SLC52A2: variants seen among roughly 807,000 people sequenced by gnomAD.
SLC52A2 encodes the protein solute carrier family 52 member 2.
A neutral mutation model predicts 24.8 loss-of-function variants in SLC52A2; 16 were observed. The observed-to-expected ratio is 0.64, with a 90% CI of 0.44 to 0.98. SLC52A2 has a LOEUF of 0.98. Among genes scored for constraint, SLC52A2 ranks in the 50% least tolerant of loss-of-function variants. The pLI, the probability that SLC52A2 is intolerant of heterozygous loss-of-function variation, is 0.00. For synonymous variants in SLC52A2, 335 were observed against 276.3 expected, an observed-to-expected ratio of 1.21 and a Z score of -2.11; for missense variants, 612 against 575.9, an observed-to-expected ratio of 1.06 and a Z score of -0.64.
rs11546261 is a variant in SLC52A2 at position 144,361,071 on chromosome 8, A to G, written c.*56A>G. On this transcript the variant is annotated 3_prime_UTR_variant, in exon 5 of 5. Transcript: ENST00000643944. ...CACCTGTCTTTCCCTCAATGCTGCC[A>G]CCATGCCTGAGTGCCTGCAGCCCAG... 0.04 allele frequency: 62,646 copies of G among 1,559,112 alleles called. 1,493 individuals are homozygous for G. The highest frequency in any genetic ancestry group is 0.044 in the Non-Finnish European group (50,359 of 1,138,308).
At position 144,359,810 on chromosome 8, in the gene SLC52A2, A is replaced by G. The variant is rs376031054; in HGVS notation, c.318A>G (p.Ala106=). 2 of 1,613,560 alleles carry G rather than the reference A, an allele frequency of 1.2e-6. No homozygotes were observed. Among genetic ancestry groups the G allele is most frequent in the Admixed American group, 1.7e-5 (1 of 60,008 alleles). The change falls in exon 3 of 5, where the codon GCA becomes GCG. Residue 106 remains alanine (A), a synonymous_variant. Transcript: ENST00000643944. ...ASLWHHVAPV[A]GQLHSVAFLA... The stretch of plus-strand genomic sequence containing the variant: ...TGTGGCACCATGTGGCCCCAGTGGC[A>G]GGACAGTTGCATTCTGTGGCCTTCT...
chr8:144,358,582 T>C, upstream of SLC52A2: 6 of 1,136,158 alleles, frequency 5.3e-6, no homozygotes, highest in African/African-American at 1.6e-5. Context: ...TCGTGGGCCA[T>C]GCCGGGGGCG....
Position 144,360,908 on chromosome 8 carries a change from G to A in SLC52A2, c.1231G>A (p.Ala411Thr), listed in dbSNP as rs782417765. ...GCCGGCATTGCTGGCAGCCGGCGTG[G>A]CCATCCAGGTGGGCTCTCTGCTCGG... ...GRPALLAAGV[A>T]IQVGSLLGAV... Residue 411 changes from alanine (A) to threonine (T), a missense_variant, in exon 5 of 5, where the codon GCC (alanine) becomes ACC (threonine). Ala to Thr is a moderately conservative substitution (Grantham distance 58). Coordinates refer to ENST00000643944, the MANE Select transcript of SLC52A2 (RefSeq NM_001363118.2). The A allele has an allele frequency of 3.1e-6, 5 of 1,613,268 alleles. No homozygotes were observed. In the Admixed American group the frequency reaches 6.7e-5, roughly 22 times the overall value.
In SLC52A2 at chr8:144,359,184, C is replaced by G. The variant is rs573300637; in HGVS notation, c.-110C>G. ...TATCTGTTTCTCTGTTTCTTTCAAG[C>G]TAGAAGAAGTCTTCACTTCCCAGGA... On this transcript the variant is annotated splice_region_variant and 5_prime_UTR_variant, in exon 2 of 5. Transcript: ENST00000643944. 1.4e-6 allele frequency: 2 copies of G among 1,470,818 alleles called. No homozygotes were observed. The highest frequency in any genetic ancestry group is 1.8e-6 in the Non-Finnish European group (2 of 1,098,736). 91.1% of individuals were successfully genotyped at this position (1,470,818 alleles called of 1,614,324 possible).
In SLC52A2 at chr8:144,359,955, G is replaced by T. The variant is rs376026812; in HGVS notation, c.463G>T (p.Ala155Ser). The change falls in exon 3 of 5, where the codon GCC (alanine) becomes TCC (serine). Residue 155 changes from alanine to serine, a missense_variant. Coordinates refer to ENST00000643944, the MANE Select transcript of SLC52A2 (RefSeq NM_001363118.2). ...ATTCTTCCTGGGTCAAGGCCTGAGT[G>T]CCCTGCTGCCCTGCGTGCTGGCCCT... ...RSFFLGQGLS[A>S]LLPCVLALVQ... 5 of 1,613,152 alleles carry T rather than the reference G, an allele frequency of 3.1e-6. No individual in the cohort carries two copies. The highest frequency in any genetic ancestry group is 2.7e-5 in the African/African-American group (2 of 74,926).
rs781827417 is a variant in SLC52A2 at position 144,359,593 on chromosome 8, C to T, written c.131-30C>T. On this transcript the variant is annotated intron_variant, in intron 2 of 4. Transcript: ENST00000643944. ...ACTCTTCCTCCCTTGGGCATCATGA[C>T]CCTGACATGGCCTCCTCCCTTCCCT... 14 of 1,605,392 alleles carry T rather than the reference C, an allele frequency of 8.7e-6. No individual in the cohort carries two copies. The Admixed American group carries it at 1.0e-4, about 12-fold the overall frequency.
In SLC52A2 at chr8:144,358,651, G is replaced by C; in HGVS notation, c.-525G>C. 1 of 533,746 alleles carries C rather than the reference G, an allele frequency of 1.9e-6. No individual in the cohort carries two copies. The highest frequency in any genetic ancestry group is 2.8e-6 in the Non-Finnish European group (1 of 354,710). 33.1% of individuals were successfully genotyped at this position (533,746 alleles called of 1,614,324 possible). A position where few individuals can be genotyped will look rare whatever the true frequency, so the allele number is the denominator to read the frequency against. The stretch of plus-strand genomic sequence containing the variant: ...GCTGCTGCCGGGTCCTGCGCGCTCC[G>C]GACTGAGGTGGCGTCCCTGGGCCGG... On this transcript the variant is annotated 5_prime_UTR_variant, in exon 1 of 5. Coordinates refer to ENST00000643944, the MANE Select transcript of SLC52A2 (RefSeq NM_001363118.2).
Position 144,360,584 on chromosome 8 carries a change from C to T in SLC52A2, c.1002-6C>T, listed in dbSNP as rs1253005982. ...TCAGCCCTGACATTCTGCTCGCTCA[C>T]TGCAGGTCCTTGGCAGGGCTGGGCG... On this transcript the variant is annotated splice_region_variant and splice_polypyrimidine_tract_variant and intron_variant, in intron 3 of 4. Coordinates refer to ENST00000643944, the MANE Select transcript of SLC52A2 (RefSeq NM_001363118.2). 3.8e-6 allele frequency: 6 copies of T among 1,598,042 alleles called. No homozygotes were observed. In the African/African-American group the frequency reaches 8.0e-5, roughly 21 times the overall value.
chr8:144,359,445 G>A, intron 2 of SLC52A2, 22 bp downstream of exon 2: 1 of 1,613,202 alleles, frequency 6.2e-7, no homozygotes, highest in Middle Eastern at 1.7e-4. Context: ...GGAGGTGCAG[G>A]TGTGCCCAAG....
Position 144,359,831 on chromosome 8 carries a change from C to T in SLC52A2, c.339C>T (p.Ala113=), listed in dbSNP as rs782216166. 7 of 1,613,542 alleles carry T rather than the reference C, an allele frequency of 4.3e-6. No individual in the cohort carries two copies. The highest frequency in any genetic ancestry group is 2.7e-5 in the African/African-American group (2 of 74,942). The change falls in exon 3 of 5, where the codon GCC becomes GCT. Residue 113 remains alanine, a synonymous_variant. Transcript: ENST00000643944. ...TGGCAGGACAGTTGCATTCTGTGGC[C>T]TTCTTAGCACTGGCCTTTGTGCTGG... ...APVAGQLHSV[A]FLALAFVLAL...
chr8:144,359,845 C>A lies in SLC52A2; in HGVS notation c.353C>A (p.Ala118Asp), dbSNP rs117500243. The A allele has an allele frequency of 4.0e-3, 6,408 of 1,613,714 alleles. 22 individuals are homozygous for A. The highest frequency in any genetic ancestry group is 6.9e-3 in the Middle Eastern group (42 of 6,062). Residue 118 changes from alanine to aspartate, a missense_variant, in exon 3 of 5, where the codon GCC (alanine) becomes GAC (aspartate). Ala to Asp is a moderately radical substitution (Grantham distance 126). Coordinates refer to ENST00000643944, the MANE Select transcript of SLC52A2 (RefSeq NM_001363118.2). ...QLHSVAFLAL[A>D]FVLALACCAS... is the part of the protein sequence containing the mutation. ...CATTCTGTGGCCTTCTTAGCACTGG[C>A]CTTTGTGCTGGCACTGGCATGCTGT...
chr8:144,360,804 T>C lies in SLC52A2; in HGVS notation c.1127T>C (p.Val376Ala). 6.2e-7 allele frequency: 1 copy of C among 1,612,240 alleles called. No homozygotes were observed. The highest frequency in any genetic ancestry group is 1.3e-5 in the African/African-American group (1 of 75,010). ...CAGCTGGTGCTGTGTCCCCCTCAGG[T>C]GCTGTCGTGGGTGCTGTGTCTTGGC... ...VGTSAGVVLV[V>A]LSWVLCLGVF... The change falls in exon 5 of 5, where the codon GTG becomes GCG. Residue 376 changes from valine (V) to alanine (A), a missense_variant and splice_region_variant. By Grantham distance (64) the Val-to-Ala change is moderately conservative. Coordinates refer to ENST00000643944, the MANE Select transcript of SLC52A2 (RefSeq NM_001363118.2).
intron 2 of SLC52A2, 39 bp from the exon 3 acceptor site, chr8:144,359,584 G>A (rs782398676): frequency 1.2e-6 from 2 of 1,604,116 alleles, no homozygotes; most frequent in Non-Finnish European, 1.7e-6. Flanking sequence ...CCTCCCTTGG[G>A]CATCATGACC....
chr8:144,359,139 C>T, intron 1 of SLC52A2, 45 bp from the exon 2 acceptor site: 1 of 1,220,094 alleles, frequency 8.2e-7, no homozygotes, highest in Non-Finnish European at 1.1e-6. Context: ...TCACCCTGTT[C>T]TGACTCCGGC....
In SLC52A2 at chr8:144,359,811, G is replaced by C. The variant is rs1330914046; in HGVS notation, c.319G>C (p.Gly107Arg). The C allele has an allele frequency of 1.9e-6, 3 of 1,613,558 alleles. No individual in the cohort carries two copies. Among genetic ancestry groups the C allele is most frequent in the Non-Finnish European group, 1.7e-6 (2 of 1,180,032 alleles). ...SLWHHVAPVAGQLHSVAFLAL... is the reference protein window; with the variant it reads ...SLWHHVAPVARQLHSVAFLAL... ...GTGGCACCATGTGGCCCCAGTGGCA[G>C]GACAGTTGCATTCTGTGGCCTTCTT... is the stretch of plus-strand genomic sequence containing the variant. The change falls in exon 3 of 5, where the codon GGA becomes CGA. Residue 107 changes from glycine (G) to arginine (R), a missense_variant. By Grantham distance (125) the Gly-to-Arg change is moderately radical (BLOSUM62 -2). Coordinates refer to ENST00000643944, the MANE Select transcript of SLC52A2 (RefSeq NM_001363118.2).
At position 144,359,972 on chromosome 8, in the gene SLC52A2, G is replaced by A. The variant is rs1554853994; in HGVS notation, c.480G>A (p.Val160=). The A allele has an allele frequency of 1.9e-6, 3 of 1,613,020 alleles. No individual in the cohort carries two copies. Among genetic ancestry groups the A allele is most frequent in the Non-Finnish European group, 2.5e-6 (3 of 1,180,014 alleles). The change falls in exon 3 of 5, where the codon GTG becomes GTA. Residue 160 remains valine (V), a synonymous_variant. Transcript: ENST00000643944. Reference sequence around the variant, plus strand: ...GCCTGAGTGCCCTGCTGCCCTGCGTGCTGGCCCTAGTGCAGGGTGTGGGCC... The same window carrying A: ...GCCTGAGTGCCCTGCTGCCCTGCGTACTGGCCCTAGTGCAGGGTGTGGGCC... ...GQGLSALLPC[V]LALVQGVGRL...
In SLC52A2 at chr8:144,359,843, G is replaced by A; in HGVS notation, c.351G>A (p.Leu117=). Reference sequence around the variant, plus strand: ...TGCATTCTGTGGCCTTCTTAGCACTGGCCTTTGTGCTGGCACTGGCATGCT... The same window carrying A: ...TGCATTCTGTGGCCTTCTTAGCACTAGCCTTTGTGCTGGCACTGGCATGCT... The part of the protein sequence containing the change: ...GQLHSVAFLA[L]AFVLALACCA... Residue 117 remains leucine, a synonymous_variant, in exon 3 of 5, where the codon CTG becomes CTA. Coordinates refer to ENST00000643944, the MANE Select transcript of SLC52A2 (RefSeq NM_001363118.2). The A allele has an allele frequency of 6.2e-7, 1 of 1,613,710 alleles. No individual in the cohort carries two copies. The highest frequency in any genetic ancestry group is 1.1e-5 in the South Asian group (1 of 91,086).
At position 144,360,616 on chromosome 8, in the gene SLC52A2, C is replaced by T; in HGVS notation, c.1028C>T (p.Ser343Phe). The T allele has an allele frequency of 6.2e-7, 1 of 1,603,312 alleles. No individual in the cohort carries two copies. ...CRSLAGLGGL[S>F]LLGVFCGGYL... ...TCCTTGGCAGGGCTGGGCGGCCTCTCTCTGCTGGGCGTGTTCTGTGGGGGC... is the reference window on the plus strand; with the variant it reads ...TCCTTGGCAGGGCTGGGCGGCCTCTTTCTGCTGGGCGTGTTCTGTGGGGGC... The change falls in exon 4 of 5, where the codon TCT becomes TTT. Residue 343 changes from serine (S) to phenylalanine (F), a missense_variant. By Grantham distance (155) the Ser-to-Phe change is radical. Transcript: ENST00000643944.
chr8:144,358,633 C>G lies in SLC52A2; in HGVS notation c.-543C>G, dbSNP rs575502265. Reference sequence around the variant, plus strand: ...CGGGTGAGTCGGGTCGTGGCTGCTGCCGGGTCCTGCGCGCTCCGGACTGAG... The same window carrying G: ...CGGGTGAGTCGGGTCGTGGCTGCTGGCGGGTCCTGCGCGCTCCGGACTGAG... On this transcript the variant is annotated 5_prime_UTR_variant, in exon 1 of 5. Coordinates refer to ENST00000643944, the MANE Select transcript of SLC52A2 (RefSeq NM_001363118.2). 9 of 661,422 alleles carry G rather than the reference C, an allele frequency of 1.4e-5. No homozygotes were observed. Among genetic ancestry groups the G allele is most frequent in the African/African-American group, 1.9e-5 (1 of 53,268 alleles). The allele number at this position is 661,422 out of a possible 1,614,324, so 41.0% of individuals were successfully genotyped here.
Sources: gnomAD v4.1 joint callset for allele counts on GRCh38, gnomAD v4.1.1 for gene constraint, MANE v1.5 for transcripts, NCBI Gene and HGNC (gene_info 2026-07-23, HGNC 2026-07-21) for gene names.